PRDM16: variants seen among roughly 807,000 people sequenced by gnomAD.
PRDM16 encodes histone-lysine N-methyltransferase PRDM16.
A neutral mutation model predicts 110.6 loss-of-function variants in PRDM16; 23 were observed. That is an observed-to-expected ratio of 0.21 (90% CI 0.15 to 0.29). The LOEUF (loss-of-function observed/expected upper bound fraction) is 0.29, where lower values mean the gene tolerates loss of function less well. Among genes scored for constraint, PRDM16 ranks in the 10% least tolerant of loss-of-function variants. PRDM16 has a pLI of 1.00. For missense variants in PRDM16, 1,615 were observed against 1,794.3 expected (o/e 0.90, Z 1.81); for synonymous variants, 799 against 781.8 (o/e 1.02, Z -0.37).
chr1:3,184,809 C>A lies in PRDM16; in HGVS notation c.38-1316C>A, dbSNP rs947556398. ...CTAAATGCCGCCAAGCAGGTGTGACCCTCTGCATCAGCTTCCTATGCCGAG... is the reference window on the plus strand; with the variant it reads ...CTAAATGCCGCCAAGCAGGTGTGACACTCTGCATCAGCTTCCTATGCCGAG... On this transcript the variant is annotated intron_variant, in intron 1 of 16. Coordinates refer to ENST00000270722, the MANE Select transcript of PRDM16 (RefSeq NM_022114.4). 3.9e-5 allele frequency among the ~76,000 whole-genome samples: 6 copies of A among 152,312 alleles called. No individual in the cohort carries two copies. The East Asian group carries it at 9.7e-4, about 25-fold the overall frequency.
chr1:3,373,879 G>C (rs1217584152), intron 3 of PRDM16, among the ~76,000 whole-genome samples: 1 of 152,276 alleles, frequency 6.6e-6, no homozygotes, highest in Non-Finnish European at 1.5e-5. Flanking sequence ...ACAGGAAGAA[G>C]ACAGAGCAGG....
At chr1:3,389,277 G>A (rs924844613) in intron 4 of PRDM16, among the ~76,000 whole-genome samples, 34 of 152,312 alleles carry the variant, frequency 2.2e-4, no homozygotes, top group Non-Finnish European at 4.3e-4. Flanking sequence ...CCTCATGGAC[G>A]GAGGCAGGAC....
intron 1 of PRDM16, among the ~76,000 whole-genome samples, chr1:3,139,183 G>C (rs78369601): frequency 0.18 from 27,474 of 152,112 alleles, 3,012 homozygotes; most frequent in East Asian, 0.34. Flanking sequence ...TCATCGGGGA[G>C]AGGGGGACCC....
intron 1 of PRDM16, among the ~76,000 whole-genome samples, chr1:3,130,529 C>G (rs1643310715): frequency 6.6e-6 from 1 of 152,206 alleles, no homozygotes; most frequent in South Asian, 2.1e-4. Flanking sequence ...GGGCTGCCCC[C>G]TGTCTATAGG....
At chr1:3,416,503 C>T (rs1011538798) in intron 10 of PRDM16, among the ~76,000 whole-genome samples, 1 of 152,210 alleles carries the variant, frequency 6.6e-6, no homozygotes, top group Admixed American at 6.5e-5. Context: ...CTGCCCTTCT[C>T]CTCACCCCCA....
intron 3 of PRDM16, among the ~76,000 whole-genome samples, chr1:3,330,817 GC>G (rs1214361772): frequency 6.6e-6 from 1 of 152,204 alleles, no homozygotes; most frequent in Non-Finnish European, 1.5e-5. Context: ...GAGTGGAGGT[GC>G]CCCTGGTTCA....
At chr1:3,337,015 G>A (rs767295755) in intron 3 of PRDM16, among the ~76,000 whole-genome samples, 6 of 151,826 alleles carry the variant, frequency 4.0e-5, no homozygotes, top group Non-Finnish European at 7.4e-5. Flanking sequence ...ATGCACATGT[G>A]TGTTGGAGTG....
intron 2 of PRDM16, among the ~76,000 whole-genome samples, chr1:3,215,620 G>A (rs1639006605): frequency 6.6e-6 from 1 of 152,166 alleles, no homozygotes; most frequent in Admixed American, 6.5e-5. Context: ...CTGTCCTCCG[G>A]GGACCTGTCG....
At chr1:3,329,095 C>T (rs1570084380) in intron 3 of PRDM16, among the ~76,000 whole-genome samples, 2 of 152,296 alleles carry the variant, frequency 1.3e-5, no homozygotes, top group Non-Finnish European at 1.5e-5. Context: ...CCCTCTTCCA[C>T]TCACCACCTC....
intron 1 of PRDM16, among the ~76,000 whole-genome samples, chr1:3,156,784 G>T (rs1290991893): frequency 6.6e-6 from 1 of 152,204 alleles, no homozygotes; most frequent in Non-Finnish European, 1.5e-5. Flanking sequence ...AGAGTCCCAG[G>T]GCCCACATGG....
intron 3 of PRDM16, among the ~76,000 whole-genome samples, chr1:3,310,559 G>A (rs1176855689): frequency 2.0e-5 from 3 of 152,104 alleles, no homozygotes; most frequent in Non-Finnish European, 2.9e-5. Context: ...CACAGCATCC[G>A]TGCCTGGGGA....
intron 4 of PRDM16, among the ~76,000 whole-genome samples, chr1:3,391,698 C>G (rs527395276): frequency 2.1e-4 from 32 of 152,206 alleles, no homozygotes; most frequent in Non-Finnish European, 4.0e-4. Context: ...GTGGCGAAGC[C>G]CGGGACTCCA....
At chr1:3,267,121 G>A (rs960471817) in intron 3 of PRDM16, among the ~76,000 whole-genome samples, 1 of 152,102 alleles carries the variant, frequency 6.6e-6, no homozygotes, top group African/African-American at 2.4e-5. Context: ...TCTAGTTCTG[G>A]AGCATCTTTG....
In PRDM16 at chr1:3,175,036, G is replaced by C. The variant is rs1644069809; in HGVS notation, c.38-11089G>C. 6.6e-6 allele frequency among the ~76,000 whole-genome samples: 1 copy of C among 152,200 alleles called. No homozygotes were observed. The highest frequency in any genetic ancestry group is 1.5e-5 in the Non-Finnish European group (1 of 68,042). ...GCAGGGCAGCCGCGGTCCCGGGCTGGTCAGAAGGTGGGACCAGCGGCCAAG... is the reference window on the plus strand; with the variant it reads ...GCAGGGCAGCCGCGGTCCCGGGCTGCTCAGAAGGTGGGACCAGCGGCCAAG... On this transcript the variant is annotated intron_variant, in intron 1 of 16. Transcript: ENST00000270722. This position sits in a 1 kb window ranked among gnomAD's most constrained non-coding sequence, Gnocchi z 4.8.
At chr1:3,200,244 G>A (rs1638585958) in intron 2 of PRDM16, among the ~76,000 whole-genome samples, 1 of 152,252 alleles carries the variant, frequency 6.6e-6, no homozygotes, top group South Asian at 2.1e-4. Context: ...GGCCGAGGCT[G>A]CCCTGGATGG....
chr1:3,394,404 A>C, intron 4 of PRDM16: 1 of 445,628 alleles, frequency 2.2e-6, no homozygotes, highest in Non-Finnish European at 4.5e-6. Flanking sequence ...TCTGCCCGCC[A>C]GTGGAGCGGA....
chr1:3,119,853 C>A (rs1422856609), intron 1 of PRDM16, among the ~76,000 whole-genome samples: 1 of 152,254 alleles, frequency 6.6e-6, no homozygotes, highest in Non-Finnish European at 1.5e-5. Context: ...GCTGACACAG[C>A]CCATCTGCAG....
chr1:3,311,650 A>C (rs1429766308), intron 3 of PRDM16, among the ~76,000 whole-genome samples: 2 of 152,220 alleles, frequency 1.3e-5, no homozygotes, highest in Admixed American at 6.5e-5. Context: ...CACCCAAGTG[A>C]CACAGCCAGA....
intron 1 of PRDM16, among the ~76,000 whole-genome samples, chr1:3,173,464 A>G (rs1181261487): frequency 2.0e-5 from 3 of 152,222 alleles, no homozygotes; most frequent in African/African-American, 4.8e-5. Context: ...GGCTTTAGGT[A>G]GGGCCAGGTG....
Sources: gnomAD v4.1 joint callset for allele counts (sites outside exome capture counted in the v4.1 genomes callset) on GRCh38, gnomAD v4.1.1 for gene constraint, Gnocchi (gnomAD v3.1) non-coding constraint, MANE v1.5 for transcripts, NCBI Gene and HGNC (gene_info 2026-07-23, HGNC 2026-07-21) for gene names.